ASIC2: variants seen among roughly 807,000 people sequenced by gnomAD.
The protein encoded by ASIC2 is acid-sensing ion channel 2.
ASIC2 carries 25 observed loss-of-function variants against 57.3 expected under a neutral mutation model. The observed-to-expected ratio is 0.44, with a 90% CI of 0.32 to 0.61. The LOEUF is 0.61. Among genes scored for constraint, ASIC2 ranks in the 20% least tolerant of loss-of-function variants. ASIC2 has a pLI of 0.06. For missense variants in ASIC2, 641 were observed against 738.1 expected (o/e 0.87, Z 1.52); for synonymous variants, 319 against 307.5 (o/e 1.04, Z -0.39).
intron 1 of ASIC2, among the ~76,000 whole-genome samples, chr17:33,151,364 A>G (rs972282280): frequency 1.3e-5 from 2 of 151,870 alleles, no homozygotes; most frequent in Admixed American, 1.3e-4. Flanking sequence ...ACAGAGAGAT[A>G]CTTTGTCTCA....
chr17:33,139,727 C>T (rs2092379807), intron 1 of ASIC2, among the ~76,000 whole-genome samples: 1 of 152,164 alleles, frequency 6.6e-6, no homozygotes, highest in Non-Finnish European at 1.5e-5. Flanking sequence ...TCCCAGACAC[C>T]CCTATCATGG....
chr17:34,038,087 T>C (rs1907959843), intron 1 of ASIC2: 1 of 1,613,186 alleles, frequency 6.2e-7, no homozygotes, highest in Non-Finnish European at 8.5e-7. Context: ...ATCCATGATC[T>C]TCGAAAGACC....
chr17:33,166,685 G>T (rs778186573), intron 1 of ASIC2, among the ~76,000 whole-genome samples: 1 of 152,208 alleles, frequency 6.6e-6, no homozygotes, highest in East Asian at 1.9e-4. Context: ...GAGGTGGGTT[G>T]CAGGGAAGTA....
chr17:33,603,836 G>A (rs1303309082), intron 1 of ASIC2, among the ~76,000 whole-genome samples: 1 of 152,212 alleles, frequency 6.6e-6, no homozygotes, highest in Non-Finnish European at 1.5e-5. Flanking sequence ...AGAAGGAGTG[G>A]AAGAGTGCTC....
chr17:33,219,107 C>G (rs1832246420), intron 1 of ASIC2, among the ~76,000 whole-genome samples: 1 of 152,158 alleles, frequency 6.6e-6, no homozygotes, highest in Admixed American at 6.5e-5. Context: ...GCTTCAATTA[C>G]TTAAAAACTC....
chr17:33,776,917 G>A (rs746433970), intron 1 of ASIC2, among the ~76,000 whole-genome samples: 2 of 152,062 alleles, frequency 1.3e-5, no homozygotes, highest in Admixed American at 6.5e-5. Context: ...TACATCTTTC[G>A]CTGGGTGACC....
chr17:33,664,072 G>A (rs1907391105), intron 1 of ASIC2, among the ~76,000 whole-genome samples: 1 of 152,082 alleles, frequency 6.6e-6, no homozygotes, highest in Non-Finnish European at 1.5e-5. Context: ...TGTCTAAGAG[G>A]GGTCAAGGTT....
At chr17:33,075,224 T>G (rs1011864971) in intron 3 of ASIC2, among the ~76,000 whole-genome samples, 1 of 152,232 alleles carries the variant, frequency 6.6e-6, no homozygotes, top group South Asian at 2.1e-4. Context: ...TTTCCCCTTT[T>G]GCTTGGCTCT....
intron 1 of ASIC2, among the ~76,000 whole-genome samples, chr17:34,042,251 G>A (rs1174565899): frequency 6.6e-6 from 1 of 152,038 alleles, no homozygotes; most frequent in Admixed American, 6.6e-5. Context: ...GGAAGCATAT[G>A]TCCCCCCAAA....
chr17:33,734,298 G>A (rs1823815727), intron 1 of ASIC2, among the ~76,000 whole-genome samples: 2 of 150,810 alleles, frequency 1.3e-5, no homozygotes, highest in Admixed American at 6.6e-5. Flanking sequence ...TGAGAGGCCA[G>A]CCTTTCCTCC....
chr17:33,147,712 C>T (rs561960058), intron 1 of ASIC2, among the ~76,000 whole-genome samples: 16 of 152,276 alleles, frequency 1.1e-4, no homozygotes, highest in African/African-American at 1.4e-4. Flanking sequence ...AGTGAAATCC[C>T]GGGCCAGTGC....
chr17:33,940,297 T>A (rs1916157850), intron 1 of ASIC2, among the ~76,000 whole-genome samples: 1 of 152,182 alleles, frequency 6.6e-6, no homozygotes, highest in Non-Finnish European at 1.5e-5. Flanking sequence ...ATATTCTGGG[T>A]TCCCTGTAGA....
At chr17:33,442,010 G>C (rs1358522168) in intron 1 of ASIC2, among the ~76,000 whole-genome samples, 1 of 152,152 alleles carries the variant, frequency 6.6e-6, no homozygotes, top group Non-Finnish European at 1.5e-5. Flanking sequence ...AGTGGTCCCA[G>C]CATTGCTTGT....
At chr17:33,191,619 G>A (rs978161861) in intron 1 of ASIC2, among the ~76,000 whole-genome samples, 3 of 151,778 alleles carry the variant, frequency 2.0e-5, no homozygotes, top group Non-Finnish European at 4.4e-5. Context: ...AGGAGAATGA[G>A]GAGGAGGAGG....
intron 1 of ASIC2, among the ~76,000 whole-genome samples, chr17:33,172,017 G>C (rs1426696028): frequency 2.0e-5 from 3 of 152,152 alleles, no homozygotes; most frequent in Non-Finnish European, 4.4e-5. Flanking sequence ...TCAGAACTGC[G>C]ATGCTTATTT....
chr17:33,883,354 G>A (rs1465409861), intron 1 of ASIC2, among the ~76,000 whole-genome samples: 1 of 152,214 alleles, frequency 6.6e-6, no homozygotes, highest in African/African-American at 2.4e-5. Context: ...TTTGCTTCTA[G>A]CACCATCCAA....
chr17:33,690,754 T>A (rs1908338762), intron 1 of ASIC2, among the ~76,000 whole-genome samples: 1 of 140,756 alleles, frequency 7.1e-6, no homozygotes, highest in Non-Finnish European at 1.5e-5. Context: ...TTTTTTTTTT[T>A]TTTTTTTTTT....
intron 1 of ASIC2, among the ~76,000 whole-genome samples, chr17:33,445,701 G>A (rs1048335064): frequency 4.6e-5 from 7 of 150,892 alleles, no homozygotes; most frequent in African/African-American, 1.7e-4. Flanking sequence ...AGAGGCTGAG[G>A]CAGGAGAATC....
chr17:33,357,257 G>A (rs1908421870), intron 1 of ASIC2, among the ~76,000 whole-genome samples: 2 of 152,046 alleles, frequency 1.3e-5, no homozygotes, highest in Admixed American at 6.5e-5. Flanking sequence ...TGCACAGGGG[G>A]TACAGTTGAG....
Sources: gnomAD v4.1 joint callset for allele counts (sites outside exome capture counted in the v4.1 genomes callset) on GRCh38, gnomAD v4.1.1 for gene constraint, MANE v1.5 for transcripts, NCBI Gene and HGNC (gene_info 2026-07-23, HGNC 2026-07-21) for gene names.